Variants in SCOC observed in about 807,000 individuals in gnomAD.
The protein encoded by SCOC is short coiled-coil protein, also known as short coiled coil protein.
Under a neutral mutation model 9.9 loss-of-function variants are expected in SCOC, and 7 were observed. The observed-to-expected ratio is 0.71, with a 90% CI of 0.40 to 1.33. SCOC has a LOEUF of 1.33. SCOC is among the 40% of genes most tolerant of loss of function. The pLI, the probability that SCOC is intolerant of heterozygous loss-of-function variation, is 0.01. For missense variants in SCOC, 66 were observed against 89.7 expected, an observed-to-expected ratio of 0.74 and a Z score of 1.07; for synonymous variants, 19 against 28.2, an observed-to-expected ratio of 0.67 and a Z score of 1.03.
intron 1 of SCOC, chr4:140,314,327 C>T (rs561525754): frequency 6.4e-6 from 1 of 156,054 alleles, no homozygotes; most frequent in East Asian, 1.8e-4. Context: ...TTGGGATAGA[C>T]ACTTGCTGAT....
intron 2 of SCOC, chr4:140,366,211 C>A: frequency 4.7e-5 from 34 of 717,504 alleles, no homozygotes; most frequent in South Asian, 6.2e-5. Flanking sequence ...CCAAATAGAA[C>A]TTTTATTACT....
At chr4:140,339,702 G>A (rs895284337), upstream of SCOC, among the ~76,000 whole-genome samples, 8 of 152,342 alleles carry the variant, frequency 5.3e-5, no homozygotes, top group African/African-American at 9.6e-5. Flanking sequence ...ATGAAAAAAT[G>A]CTCACCATCA....
chr4:140,287,724 A>T (rs1382797455), intron 1 of SCOC, among the ~76,000 whole-genome samples: 1 of 152,086 alleles, frequency 6.6e-6, no homozygotes, highest in Non-Finnish European at 1.5e-5. Context: ...CATATCACAC[A>T]CAGGCCACAC....
chr4:140,342,631 AATGTAGC>A (rs1726552995), upstream of SCOC, among the ~76,000 whole-genome samples: 1 of 152,218 alleles, frequency 6.6e-6, no homozygotes, highest in African/African-American at 2.4e-5. Context: ...CACAGTGCAG[AATGTAGC>A]ATGTAGTAAC....
At chr4:140,328,987 G>A (rs1156245699) in intron 1 of SCOC, among the ~76,000 whole-genome samples, 1 of 152,148 alleles carries the variant, frequency 6.6e-6, no homozygotes, top group African/African-American at 2.4e-5. Flanking sequence ...AGCCCACATA[G>A]CCAAAGCAAG....
intron 2 of SCOC, among the ~76,000 whole-genome samples, chr4:140,350,431 C>G (rs973319720): frequency 2.0e-5 from 3 of 152,244 alleles, no homozygotes; most frequent in Non-Finnish European, 4.4e-5. Flanking sequence ...GGCAGGCCAG[C>G]CCCTAGCTGA....
chr4:140,339,471 G>A (rs1726414221), upstream of SCOC, among the ~76,000 whole-genome samples: 1 of 152,158 alleles, frequency 6.6e-6, no homozygotes. Context: ...AAACTAAAGA[G>A]CTTCTGCACA....
At chr4:140,319,514 A>T (rs1732435487) in intron 1 of SCOC, among the ~76,000 whole-genome samples, 1 of 152,182 alleles carries the variant, frequency 6.6e-6, no homozygotes, top group South Asian at 2.1e-4. Flanking sequence ...AGAAAAAAAA[A>T]TACAATTTAG....
rs539755267 is a variant in SCOC, at chr4:140,272,068, T to A, written c.-19+14658T>A. 7.3e-5 allele frequency among the ~76,000 whole-genome samples: 11 copies of A among 151,588 alleles called. No homozygotes were observed. In the East Asian group the frequency reaches 2.1e-3, roughly 30 times the overall value. On this transcript the variant is annotated intron_variant, in intron 1 of 4. Transcript: ENST00000394205. ...ACTCTCTATCATCACTTTTTTTTTT[T>A]TTTTTTGAGACAGGGTCTTGCTCTG...
chr4:140,298,018 AT>A (rs1184748356), intron 1 of SCOC, among the ~76,000 whole-genome samples: 1 of 152,130 alleles, frequency 6.6e-6, no homozygotes, highest in East Asian at 1.9e-4. Context: ...AATTTGGCTT[AT>A]CTCCCCAGCC....
chr4:140,305,786 A>C (rs1430381687), intron 1 of SCOC, among the ~76,000 whole-genome samples: 1 of 152,174 alleles, frequency 6.6e-6, no homozygotes, highest in Non-Finnish European at 1.5e-5. Flanking sequence ...GCTGGGGCAA[A>C]GATTCCATGA....
chr4:140,357,002 C>T (rs1456858831), intron 2 of SCOC, among the ~76,000 whole-genome samples: 1 of 152,162 alleles, frequency 6.6e-6, no homozygotes, highest in Non-Finnish European at 1.5e-5. Flanking sequence ...CAGGGTCTCG[C>T]TCTGTTGCCC....
At chr4:140,297,453 A>C (rs1229711373) in intron 1 of SCOC, among the ~76,000 whole-genome samples, 1 of 152,194 alleles carries the variant, frequency 6.6e-6, no homozygotes. Context: ...ATTATAAGGT[A>C]GACAAAGTTT....
chr4:140,340,474 A>AT (rs1726465502), upstream of SCOC, among the ~76,000 whole-genome samples: 1 of 152,102 alleles, frequency 6.6e-6, no homozygotes, highest in African/African-American at 2.4e-5. Flanking sequence ...TAAAAAAAAA[A>AT]GAAAAGAAAA....
chr4:140,284,858 A>T (rs186578271), intron 1 of SCOC: 200 of 172,794 alleles, frequency 1.2e-3, no homozygotes, highest in African/African-American at 4.5e-3. Flanking sequence ...GAATAATGGA[A>T]ATATTTTTAA....
intron 1 of SCOC, among the ~76,000 whole-genome samples, chr4:140,334,188 C>G (rs754792906): frequency 2.9e-4 from 44 of 152,096 alleles, no homozygotes; most frequent in Non-Finnish European, 4.4e-5. Flanking sequence ...GCTACCATGC[C>G]CAGACAAATT....
At chr4:140,287,402 TAC>T (rs747216472) in intron 1 of SCOC, among the ~76,000 whole-genome samples, 1 of 145,908 alleles carries the variant, frequency 6.9e-6, no homozygotes, top group African/African-American at 2.6e-5. Context: ...CACACATATG[TAC>T]ACACACTACA....
chr4:140,289,432 C>G (rs1017703071), intron 1 of SCOC, among the ~76,000 whole-genome samples: 6 of 152,082 alleles, frequency 3.9e-5, no homozygotes, highest in Admixed American at 3.9e-4. Flanking sequence ...ATGGCTCCAC[C>G]CCCTCATTTC....
At chr4:140,357,221 GCCT>G (rs1428303061) in intron 2 of SCOC, among the ~76,000 whole-genome samples, 2 of 152,130 alleles carry the variant, frequency 1.3e-5, no homozygotes, top group African/African-American at 4.8e-5. Context: ...TGGTCTGCCT[GCCT>G]CAGCCTCCCA....
Sources: gnomAD v4.1 joint callset for allele counts (sites outside exome capture counted in the v4.1 genomes callset) on GRCh38, gnomAD v4.1.1 for gene constraint, MANE v1.5 for transcripts, NCBI Gene and HGNC (gene_info 2026-07-23, HGNC 2026-07-21) for gene names.